Variants in EML6 observed in about 807,000 individuals in gnomAD.
EML6 encodes EMAP like 6, also known as echinoderm microtubule-associated protein-like 6.
EML6 carries 154 observed loss-of-function variants against 240.1 expected under a neutral mutation model. The ratio of observed to expected loss-of-function variants is 0.64; its 90% CI spans 0.56 to 0.73. EML6 has a LOEUF of 0.73. Ranked by LOEUF, EML6 falls within the 30% of genes least tolerant of loss-of-function variation. The pLI is 0.00. For synonymous variants in EML6, 1,148 were observed against 899.0 expected, an observed-to-expected ratio of 1.28 and a Z score of -4.95; for missense variants, 2,964 against 2,474.6, an observed-to-expected ratio of 1.20 and a Z score of -4.20.
chr2:54,912,849 G>C (rs149224581), intron 25 of EML6, among the ~76,000 whole-genome samples: 10 of 152,186 alleles, frequency 6.6e-5, no homozygotes, highest in African/African-American at 2.4e-4. Flanking sequence ...TTGCTATTGT[G>C]AATAGTGCTG....
chr2:54,954,598 A>C (rs1267718958), intron 32 of EML6, among the ~76,000 whole-genome samples: 3 of 147,684 alleles, frequency 2.0e-5, no homozygotes, highest in Non-Finnish European at 4.4e-5. Flanking sequence ...TCTCAGAAAC[A>C]TTTAAATTTT....
chr2:54,968,079 C>G (rs781284105), intron 39 of EML6, 49 bp from the exon 40 acceptor site: 21 of 1,530,586 alleles, frequency 1.4e-5, no homozygotes, highest in East Asian at 9.8e-5. Flanking sequence ...CTGCAAGGAG[C>G]CTTCGCCGTG....
intron 26 of EML6, among the ~76,000 whole-genome samples, chr2:54,918,154 C>T (rs1009410424): frequency 1.3e-5 from 2 of 152,162 alleles, no homozygotes; most frequent in African/African-American, 2.4e-5. Context: ...TTTATTTCTT[C>T]TCAGTGTTCC....
At chr2:54,845,079 G>A (rs1400468596) in intron 8 of EML6, among the ~76,000 whole-genome samples, 1 of 152,136 alleles carries the variant, frequency 6.6e-6, no homozygotes. Context: ...AATGCAAACT[G>A]GACTAAAGCT....
chr2:54,945,751 C>T (rs1023228920), intron 28 of EML6, among the ~76,000 whole-genome samples: 1 of 152,256 alleles, frequency 6.6e-6, no homozygotes, highest in Non-Finnish European at 1.5e-5. Flanking sequence ...GACAAGTACC[C>T]AGGCATTGGC....
chr2:54,768,879 C>T (rs1668295892), intron 2 of EML6, among the ~76,000 whole-genome samples: 1 of 151,972 alleles, frequency 6.6e-6, no homozygotes, highest in African/African-American at 2.4e-5. Context: ...TTATACAAGA[C>T]ATTGTAAATC....
intron 4 of EML6, 139 bp downstream of exon 4, chr2:54,817,024 T>C (rs1356640775): frequency 8.5e-6 from 5 of 590,928 alleles, no homozygotes; most frequent in Non-Finnish European, 1.5e-5. Flanking sequence ...TCATCCTCTT[T>C]TTTCATGATT....
chr2:54,930,644 G>A (rs1018878756), intron 28 of EML6, among the ~76,000 whole-genome samples: 1 of 152,090 alleles, frequency 6.6e-6, no homozygotes, highest in South Asian at 2.1e-4. Context: ...TTTAAGATAA[G>A]TATAGGGTCT....
In EML6 at chr2:54,863,971, C is replaced by A. The variant is rs1048143326; in HGVS notation, c.1932+82C>A. ...GATTTGGACATAGCACTAAAAATGACTGGCACTTAGACAAAGAGAATTGAG... is the reference window on the plus strand; with the variant it reads ...GATTTGGACATAGCACTAAAAATGAATGGCACTTAGACAAAGAGAATTGAG... On this transcript the variant is annotated intron_variant, in intron 13 of 41. Transcript: ENST00000356458. 63 of 725,182 alleles carry A rather than the reference C, an allele frequency of 8.7e-5. No individual in the cohort carries two copies. The South Asian group carries it at 1.2e-3, about 13-fold the overall frequency. The allele number at this position is 725,182 out of a possible 1,614,324, so 44.9% of individuals were successfully genotyped here.
At chr2:54,837,267 A>G (rs1188181546) in intron 7 of EML6, among the ~76,000 whole-genome samples, 1 of 152,096 alleles carries the variant, frequency 6.6e-6, no homozygotes, top group African/African-American at 2.4e-5. Flanking sequence ...AAGGGTATTA[A>G]CTCCACACTT....
intron 2 of EML6, among the ~76,000 whole-genome samples, chr2:54,791,814 G>T (rs1285784857): frequency 1.3e-5 from 2 of 152,130 alleles, no homozygotes; most frequent in African/African-American, 2.4e-5. Flanking sequence ...AAGTAGCTGT[G>T]CTCTTGGACA....
chr2:54,838,373 T>A (rs1163414353), intron 7 of EML6, among the ~76,000 whole-genome samples: 1 of 152,212 alleles, frequency 6.6e-6, no homozygotes, highest in Non-Finnish European at 1.5e-5. Flanking sequence ...CTCACAATGC[T>A]ATGAAGTGTG....
chr2:54,823,976 T>C (rs1445216293), intron 5 of EML6, among the ~76,000 whole-genome samples: 1 of 151,912 alleles, frequency 6.6e-6, no homozygotes, highest in Non-Finnish European at 1.5e-5. Flanking sequence ...CACAATAATG[T>C]TAATTTCGTT....
chr2:54,869,896 G>A (rs1432584177), intron 15 of EML6, among the ~76,000 whole-genome samples: 1 of 152,020 alleles, frequency 6.6e-6, no homozygotes, highest in Non-Finnish European at 1.5e-5. Flanking sequence ...CTAAAACAGG[G>A]ACCCTCTACA....
In EML6 at chr2:54,859,711, G is replaced by C. The variant is rs755333645; in HGVS notation, c.1825+10G>C. The C allele has an allele frequency of 2.0e-5, 30 of 1,522,066 alleles. No individual in the cohort carries two copies. Among genetic ancestry groups the C allele is most frequent in the Non-Finnish European group, 2.6e-5 (29 of 1,136,350 alleles). The allele number at this position is 1,522,066 out of a possible 1,614,324, so 94.3% of individuals were successfully genotyped here. A position where few individuals can be genotyped will look rare whatever the true frequency, so the allele number is the denominator to read the frequency against. ...GAAACTGCACCCCAAGGTAAACCCA[G>C]CAATAATTTCTTAACATCATTTTAT... On this transcript the variant is annotated intron_variant, in intron 12 of 41. Coordinates refer to ENST00000356458, the MANE Select transcript of EML6 (RefSeq NM_001039753.4).
intron 2 of EML6, among the ~76,000 whole-genome samples, chr2:54,802,635 ACT>A: frequency 6.8e-6 from 1 of 146,932 alleles, no homozygotes. Flanking sequence ...TACTACTACT[ACT>A]ACTACTACTA....
At chr2:54,871,664 G>A (rs2103921147) in intron 16 of EML6, 59 bp downstream of exon 16, 3 of 1,260,292 alleles carry the variant, frequency 2.4e-6, no homozygotes, top group East Asian at 2.5e-5. Context: ...GACACAGAGA[G>A]AGTATGCCCC....
intron 2 of EML6, among the ~76,000 whole-genome samples, chr2:54,727,051 A>G (rs567495525): frequency 1.3e-5 from 2 of 152,240 alleles, no homozygotes; most frequent in African/African-American, 2.4e-5. Context: ...AACCGTTGTT[A>G]TGACAAGCAG....
chr2:54,968,294 C>G lies in EML6; in HGVS notation c.5751+13C>G. 6.4e-7 allele frequency: 1 copy of G among 1,551,588 alleles called. No individual in the cohort carries two copies. Among genetic ancestry groups the G allele is most frequent in the Non-Finnish European group, 8.7e-7 (1 of 1,146,936 alleles). On this transcript the variant is annotated intron_variant, in intron 40 of 41. Coordinates refer to ENST00000356458, the MANE Select transcript of EML6 (RefSeq NM_001039753.4). ...CACAGAAAAATTTGTGAGTGTTCCTCAGAGTAACCTCCCTGCAGGTTCTCT... is the reference window on the plus strand; with the variant it reads ...CACAGAAAAATTTGTGAGTGTTCCTGAGAGTAACCTCCCTGCAGGTTCTCT...
Sources: gnomAD v4.1 joint callset for allele counts (sites outside exome capture counted in the v4.1 genomes callset) on GRCh38, gnomAD v4.1.1 for gene constraint, MANE v1.5 for transcripts, NCBI Gene and HGNC (gene_info 2026-07-23, HGNC 2026-07-21) for gene names.